The following STK33 variants were observed in gnomAD, a reference collection of about 807,000 sequenced individuals.
The protein encoded by STK33 is serine/threonine kinase 33, also known as serine/threonine-protein kinase 33.
STK33 carries 52 observed loss-of-function variants against 58.0 expected under a neutral mutation model. The observed-to-expected ratio is 0.90, with a 90% CI of 0.72 to 1.13. The LOEUF (loss-of-function observed/expected upper bound fraction) is 1.13, where lower values mean the gene tolerates loss of function less well. Ranked by LOEUF, STK33 falls within the 50% of genes most tolerant of loss-of-function variation. The pLI, the probability that STK33 is intolerant of heterozygous loss-of-function variation, is 0.00. For missense variants in STK33, 630 were observed against 604.2 expected (o/e 1.04, Z -0.45); for synonymous variants, 215 against 200.1 (o/e 1.07, Z -0.63).
intron 1 of STK33, among the ~76,000 whole-genome samples, chr11:8,499,862 T>C (rs1018923847): frequency 3.3e-5 from 5 of 151,320 alleles, no homozygotes; most frequent in Admixed American, 6.6e-5. Context: ...TAAGTGGGAG[T>C]TGAACAATGA....
At chr11:8,548,158 T>TA (rs1565334351) in intron 1 of STK33, among the ~76,000 whole-genome samples, 1 of 149,470 alleles carries the variant, frequency 6.7e-6, no homozygotes, top group African/African-American at 2.5e-5. Flanking sequence ...ACTTAAAGTA[T>TA]AATAAAAAAA....
At chr11:8,582,678 G>A (rs971476350) in intron 1 of STK33, among the ~76,000 whole-genome samples, 7 of 152,060 alleles carry the variant, frequency 4.6e-5, no homozygotes, top group Admixed American at 4.6e-4. Flanking sequence ...ATTTGGGTGG[G>A]GACACAAAGC....
chr11:8,503,799 T>G (rs1951684986), intron 1 of STK33, among the ~76,000 whole-genome samples: 1 of 152,172 alleles, frequency 6.6e-6, no homozygotes, highest in African/African-American at 2.4e-5. Flanking sequence ...TATGATGATT[T>G]AGCCCACTAG....
At chr11:8,555,011 CA>C (rs1160062840) in intron 1 of STK33, 5 of 152,154 alleles carry the variant, frequency 3.3e-5, no homozygotes, top group Admixed American at 3.3e-4. Context: ...CACAGAAAGA[CA>C]GAGGACCTCT....
At chr11:8,387,594 T>C (rs1426923826), downstream of STK33, among the ~76,000 whole-genome samples, 1 of 152,252 alleles carries the variant, frequency 6.6e-6, no homozygotes, top group Non-Finnish European at 1.5e-5. Flanking sequence ...TTGCTGCTGT[T>C]ACATCATGAC....
chr11:8,540,165 G>A (rs112584415), intron 1 of STK33, among the ~76,000 whole-genome samples: 112 of 151,824 alleles, frequency 7.4e-4, no homozygotes, highest in African/African-American at 2.6e-3. Context: ...AAACCTAAAT[G>A]TCTGTCAGTG....
chr11:8,440,866 GA>G, intron 11 of STK33, 113 bp from the exon 12 acceptor site: 1 of 1,068,252 alleles, frequency 9.4e-7, no homozygotes, highest in Non-Finnish European at 1.3e-6. Context: ...CCCCCATAGG[GA>G]AAAGAGAACC....
chr11:8,446,528 G>A (rs1007047979), intron 11 of STK33, among the ~76,000 whole-genome samples: 1 of 152,038 alleles, frequency 6.6e-6, no homozygotes, highest in Non-Finnish European at 1.5e-5. Context: ...TAAGCAAAAA[G>A]AACAAAGCTG....
chr11:8,381,676 T>G, the STK33 span, among the ~76,000 whole-genome samples: 1 of 152,306 alleles, frequency 6.6e-6, no homozygotes, highest in African/African-American at 2.4e-5. Flanking sequence ...TGGGCCTTGC[T>G]GTACAGTGAG....
chr11:8,435,072 A>T (rs1943899221), intron 14 of STK33, among the ~76,000 whole-genome samples: 1 of 152,192 alleles, frequency 6.6e-6, no homozygotes, highest in South Asian at 2.1e-4. Flanking sequence ...CCAAACCAGG[A>T]GACTGCCACT....
chr11:8,383,663 C>T, the STK33 span, among the ~76,000 whole-genome samples: 1 of 152,150 alleles, frequency 6.6e-6, no homozygotes, highest in Non-Finnish European at 1.5e-5. Flanking sequence ...ATTAATCAAG[C>T]GATAAGGAGA....
chr11:8,438,787 A>C (rs1944376887), intron 12 of STK33, among the ~76,000 whole-genome samples: 1 of 152,320 alleles, frequency 6.6e-6, no homozygotes, highest in South Asian at 2.1e-4. Context: ...AAGTCTTCAG[A>C]GTATAAAAGA....
chr11:8,561,795 T>C (rs1487326399), intron 1 of STK33, among the ~76,000 whole-genome samples: 2 of 152,244 alleles, frequency 1.3e-5, no homozygotes, highest in African/African-American at 2.4e-5. Flanking sequence ...GTACCTCATA[T>C]AACTTTAGGA....
intron 3 of STK33, 116 bp downstream of exon 3, chr11:8,477,134 C>G (rs184097827): frequency 1.0e-5 from 1 of 96,768 alleles, no homozygotes; most frequent in Non-Finnish European, 2.0e-5. Flanking sequence ...TGATGCCACT[C>G]AAAATACACA....
At chr11:8,420,878 T>G (rs1402910086) in intron 14 of STK33, among the ~76,000 whole-genome samples, 1 of 151,432 alleles carries the variant, frequency 6.6e-6, no homozygotes, top group Admixed American at 6.6e-5. Context: ...TGCATGCCGG[T>G]AGTCTCAGCT....
intron 9 of STK33, among the ~76,000 whole-genome samples, chr11:8,455,279 A>G (rs1946709314): frequency 6.6e-6 from 1 of 152,340 alleles, no homozygotes; most frequent in East Asian, 1.9e-4. Context: ...CTACATATAT[A>G]CAAACTATAC....
At chr11:8,476,216 T>C (rs1328468774) in intron 4 of STK33, among the ~76,000 whole-genome samples, 2 of 152,198 alleles carry the variant, frequency 1.3e-5, no homozygotes, top group East Asian at 1.9e-4. Context: ...GGGGTAGCCA[T>C]GTGACTTATG....
chr11:8,394,856 G>A (rs2134989007), intron 15 of STK33, among the ~76,000 whole-genome samples: 1 of 152,188 alleles, frequency 6.6e-6, no homozygotes, highest in Non-Finnish European at 1.5e-5. Context: ...ATTTTCCTCA[G>A]CCAAATTTTT....
the STK33 span, among the ~76,000 whole-genome samples, chr11:8,360,394 C>G: frequency 7.9e-4 from 121 of 152,386 alleles, no homozygotes; most frequent in Non-Finnish European, 1.3e-3. Flanking sequence ...CAGAAACACA[C>G]AAGGCCTAGC....
Sources: allele counts gnomAD v4.1 joint callset (sites outside exome capture counted in the v4.1 genomes callset), GRCh38; gene constraint gnomAD v4.1.1; transcripts MANE v1.5; gene names NCBI Gene and HGNC (gene_info 2026-07-23, HGNC 2026-07-21).